EPS8: variants seen among roughly 807,000 people sequenced by gnomAD.
EPS8 encodes EGFR pathway substrate 8, signaling adaptor.
A neutral mutation model predicts 103.8 loss-of-function variants in EPS8; 42 were observed. The observed-to-expected ratio is 0.40, with a 90% CI of 0.32 to 0.52. The LOEUF (loss-of-function observed/expected upper bound fraction) is 0.52, where lower values mean the gene tolerates loss of function less well. Ranked by LOEUF, EPS8 falls within the 20% of genes least tolerant of loss-of-function variation. EPS8 has a pLI of 0.40. For missense variants in EPS8, 969 were observed against 1,005.1 expected (o/e 0.96, Z 0.49); for synonymous variants, 344 against 344.6 (o/e 1.00, Z 0.02).
At chr12:15,624,092 T>C (rs1050079726) in intron 19 of EPS8, 135 bp downstream of exon 19, 2 of 657,954 alleles carry the variant, frequency 3.0e-6, no homozygotes, top group Non-Finnish European at 5.3e-6. Flanking sequence ...CTATAGTGAG[T>C]TCTTGAGTAT....
chr12:15,705,090 G>A (rs1034646898), intron 1 of EPS8, among the ~76,000 whole-genome samples: 16 of 152,064 alleles, frequency 1.1e-4, no homozygotes, highest in African/African-American at 3.6e-4. Context: ...GCATCTTGAA[G>A]GAAAAAAAAG....
chr12:15,640,292 G>C lies in EPS8; in HGVS notation c.1821+411C>G, dbSNP rs568168784. 5.9e-5 allele frequency among the ~76,000 whole-genome samples: 9 copies of C among 152,340 alleles called. No individual in the cohort carries two copies. The East Asian group carries it at 1.7e-3, about 29-fold the overall frequency. On this transcript the variant is annotated intron_variant, in intron 17 of 20. Transcript: ENST00000281172. ...CTGGTCAGTGGCAGAACATTTAAGAGACTGAAAGCAAGGGCTGGTGAAGGT... is the reference window on the plus strand; with the variant it reads ...CTGGTCAGTGGCAGAACATTTAAGACACTGAAAGCAAGGGCTGGTGAAGGT...
rs1035178489 is a variant in EPS8 at position 15,716,509 on chromosome 12, TC to T, written c.-21-33538del. Among the ~76,000 whole-genome samples, 3 of 152,214 alleles carry T rather than the reference TC, an allele frequency of 2.0e-5. No individual in the cohort carries two copies. Among genetic ancestry groups the T allele is most frequent in the Admixed American group, 2.0e-4 (3 of 15,282 alleles). On this transcript the variant is annotated intron_variant, in intron 1 of 20. Coordinates refer to ENST00000281172, the MANE Select transcript of EPS8 (RefSeq NM_004447.6). This position sits in a 1 kb window ranked among gnomAD's most constrained non-coding sequence, Gnocchi z 5.0. The stretch of plus-strand genomic sequence containing the variant: ...GCAAAGCTCATGGGTATTTGCTGAT[TC>T]CTTCAGTTTTCTATGATAGGGCAGT...
Position 15,620,643 on chromosome 12 carries a change from T to C in EPS8, c.*674A>G, listed in dbSNP as rs1284328671. 1 of 152,622 alleles carries C rather than the reference T, an allele frequency of 6.6e-6. No homozygotes were observed. Among genetic ancestry groups the C allele is most frequent in the Non-Finnish European group, 1.5e-5 (1 of 68,038 alleles). The allele number at this position is 152,622 out of a possible 1,614,324, so 9.5% of individuals were successfully genotyped here. A position where few individuals can be genotyped will look rare whatever the true frequency, so the allele number is the denominator to read the frequency against. On this transcript the variant is annotated 3_prime_UTR_variant, in exon 21 of 21. Transcript: ENST00000281172. ...CTCATATATAAGAACACAGTATACATAATAAGCAGAATATAAACTAAATCA... is the reference window on the plus strand; with the variant it reads ...CTCATATATAAGAACACAGTATACACAATAAGCAGAATATAAACTAAATCA...
Position 15,716,342 on chromosome 12 carries a change from G to T in EPS8, c.-21-33370C>A, listed in dbSNP as rs1263605718. ...ATTATCTATCAGTAAAGATGATAAT[G>T]AAGTCTTATGAAAGGCTAATCTGGC... On this transcript the variant is annotated intron_variant, in intron 1 of 20. Coordinates refer to ENST00000281172, the MANE Select transcript of EPS8 (RefSeq NM_004447.6). The surrounding 1 kb of genome is among the most constrained non-coding windows in gnomAD (Gnocchi z 5.0). 6.6e-6 allele frequency among the ~76,000 whole-genome samples: 1 copy of T among 152,110 alleles called. No individual in the cohort carries two copies. The highest frequency in any genetic ancestry group is 1.5e-5 in the Non-Finnish European group (1 of 68,014).
intron 12 of EPS8, among the ~76,000 whole-genome samples, chr12:15,657,366 C>T (rs1338140721): frequency 2.0e-5 from 3 of 152,236 alleles, no homozygotes; most frequent in Admixed American, 1.3e-4. Flanking sequence ...CCGTTTCCCA[C>T]ACACATAGAC....
At chr12:15,707,650 G>A (rs1946404577) in intron 1 of EPS8, among the ~76,000 whole-genome samples, 6 of 151,846 alleles carry the variant, frequency 4.0e-5, no homozygotes, top group Admixed American at 3.9e-4. Context: ...TGATTTCTGA[G>A]CGTATTACTA....
At chr12:15,775,500 T>A (rs1030546466) in intron 1 of EPS8, among the ~76,000 whole-genome samples, 1 of 152,174 alleles carries the variant, frequency 6.6e-6, no homozygotes. Context: ...AATAGACTTA[T>A]TTTATAAATC....
chr12:15,696,685 G>GA lies in EPS8; in HGVS notation c.-21-13714dup, dbSNP rs1946247783. Among the ~76,000 whole-genome samples the GA allele has an allele frequency of 1.3e-5, 2 of 151,984 alleles. No homozygotes were observed. The highest frequency in any genetic ancestry group is 2.9e-5 in the Non-Finnish European group (2 of 67,996). On this transcript the variant is annotated intron_variant, in intron 1 of 20. Coordinates refer to ENST00000281172, the MANE Select transcript of EPS8 (RefSeq NM_004447.6). The surrounding 1 kb of genome is among the most constrained non-coding windows in gnomAD (Gnocchi z 4.8). ...GGACTTGATGAATCAGAAGGTCAGAGAAAAACACCTGAACTACTATTCCAC... is the reference window on the plus strand; with the variant it reads ...GGACTTGATGAATCAGAAGGTCAGAGAAAAAACACCTGAACTACTATTCCAC...
At chr12:15,656,985 T>G (rs1445213935) in intron 12 of EPS8, among the ~76,000 whole-genome samples, 1 of 152,174 alleles carries the variant, frequency 6.6e-6, no homozygotes, top group African/African-American at 2.4e-5. Context: ...ATTATTTTAA[T>G]AATGACCCTA....
At position 15,696,008 on chromosome 12, in the gene EPS8, A is replaced by T. The variant is rs1946238541; in HGVS notation, c.-21-13036T>A. 2.0e-5 allele frequency among the ~76,000 whole-genome samples: 3 copies of T among 152,244 alleles called. No individual in the cohort carries two copies. The South Asian group carries it at 6.2e-4, about 32-fold the overall frequency. On this transcript the variant is annotated intron_variant, in intron 1 of 20. Transcript: ENST00000281172. The surrounding 1 kb of genome is among the most constrained non-coding windows in gnomAD (Gnocchi z 4.8). The stretch of plus-strand genomic sequence containing the variant: ...AAGGATACAAACACAGACTGCATCA[A>T]ACCTAGCTATGAACTTCTCAAAAGT...
At position 15,779,873 on chromosome 12, in the gene EPS8, G is replaced by A. The variant is rs1947242746; in HGVS notation, c.-22+9288C>T. The stretch of plus-strand genomic sequence containing the variant: ...AATAGTATGTTTCAGGTTCTGTTCA[G>A]AAACTATGGCTTAGAATTTTAGACA... On this transcript the variant is annotated intron_variant, in intron 1 of 20. Transcript: ENST00000281172. This position sits in a 1 kb window ranked among gnomAD's most constrained non-coding sequence, Gnocchi z 4.3. Among the ~76,000 whole-genome samples, 1 of 152,092 alleles carries A rather than the reference G, an allele frequency of 6.6e-6. No homozygotes were observed. Among genetic ancestry groups the A allele is most frequent in the South Asian group, 2.1e-4 (1 of 4,820 alleles).
At position 15,706,462 on chromosome 12, in the gene EPS8, C is replaced by T. The variant is rs1280390738; in HGVS notation, c.-21-23490G>A. 6.6e-5 allele frequency among the ~76,000 whole-genome samples: 1 copy of T among 15,262 alleles called. No homozygotes were observed. The highest frequency in any genetic ancestry group is 4.0e-3 in the Non-Finnish European group (1 of 252). 10.0% of individuals were successfully genotyped at this position (15,262 alleles called of 152,430 possible). A position where few individuals can be genotyped will look rare whatever the true frequency, so the allele number is the denominator to read the frequency against. ...TGGCCCCTTCTTGGGAAACCATTCC[C>T]TGACTCCCAATCTATCCTAGATTTC... On this transcript the variant is annotated intron_variant, in intron 1 of 20. Transcript: ENST00000281172. This position sits in a 1 kb window ranked among gnomAD's most constrained non-coding sequence, Gnocchi z 5.2.
At chr12:15,638,568 G>A (rs532071472) in intron 17 of EPS8, among the ~76,000 whole-genome samples, 4 of 152,218 alleles carry the variant, frequency 2.6e-5, no homozygotes, top group East Asian at 1.9e-4. Context: ...GTTGCAACCC[G>A]AATTTTTAAG....
At chr12:15,641,882 TA>T in intron 15 of EPS8, 52 bp from the exon 16 acceptor site, 1 of 1,052,886 alleles carries the variant, frequency 9.5e-7, no homozygotes, top group Admixed American at 2.4e-5. Flanking sequence ...TCCTAAAGGA[TA>T]AAAATGGAAA....
At position 15,751,608 on chromosome 12, in the gene EPS8, G is replaced by A. The variant is rs1477487076; in HGVS notation, c.-22+37553C>T. On this transcript the variant is annotated intron_variant, in intron 1 of 20. Coordinates refer to ENST00000281172, the MANE Select transcript of EPS8 (RefSeq NM_004447.6). The surrounding 1 kb of genome is among the most constrained non-coding windows in gnomAD (Gnocchi z 4.3). ...CAATACTGGGCAGTTTCAGACACTA[G>A]GGACATAGCAGTAAAAAAAGGGGGC... 2.6e-5 allele frequency among the ~76,000 whole-genome samples: 4 copies of A among 151,988 alleles called. No individual in the cohort carries two copies. Among genetic ancestry groups the A allele is most frequent in the African/African-American group, 9.7e-5 (4 of 41,342 alleles).
Position 15,697,104 on chromosome 12 carries a change from T to C in EPS8, c.-21-14132A>G, listed in dbSNP as rs1287377198. 4.6e-5 allele frequency among the ~76,000 whole-genome samples: 7 copies of C among 152,134 alleles called. No homozygotes were observed. The highest frequency in any genetic ancestry group is 8.8e-5 in the Non-Finnish European group (6 of 68,026). ...TCTAACCAACTGGGAAAATGGCCTA[T>C]AGACTGAAGAAGGGAAAACTTGAGG... On this transcript the variant is annotated intron_variant, in intron 1 of 20. Coordinates refer to ENST00000281172, the MANE Select transcript of EPS8 (RefSeq NM_004447.6). The surrounding 1 kb of genome is among the most constrained non-coding windows in gnomAD (Gnocchi z 5.6).
At position 15,717,817 on chromosome 12, in the gene EPS8, G is replaced by A. The variant is rs191635518; in HGVS notation, c.-21-34845C>T. Among the ~76,000 whole-genome samples the A allele has an allele frequency of 6.6e-6, 1 of 152,124 alleles. No homozygotes were observed. Among genetic ancestry groups the A allele is most frequent in the African/African-American group, 2.4e-5 (1 of 41,418 alleles). ...AACAGGGAATATAAATGAACAAAAT[G>A]GTAGTTTTGCCTTAAATTGGCAATG... On this transcript the variant is annotated intron_variant, in intron 1 of 20. Coordinates refer to ENST00000281172, the MANE Select transcript of EPS8 (RefSeq NM_004447.6). This position sits in a 1 kb window ranked among gnomAD's most constrained non-coding sequence, Gnocchi z 4.3.
chr12:15,627,829 T>C (rs4644683), intron 18 of EPS8, among the ~76,000 whole-genome samples: 25,684 of 152,166 alleles, frequency 0.17, 6,207 homozygotes, highest in African/African-American at 0.54. Flanking sequence ...AGGTACATTA[T>C]GTTCGTTGTT....
Sources: allele counts gnomAD v4.1 joint callset (sites outside exome capture counted in the v4.1 genomes callset), GRCh38; gene constraint gnomAD v4.1.1; non-coding constraint Gnocchi (gnomAD v3.1); transcripts MANE v1.5; gene names NCBI Gene and HGNC (gene_info 2026-07-23, HGNC 2026-07-21).